Variants in SNAP23 observed in about 807,000 individuals in gnomAD.
The protein encoded by SNAP23 is synaptosomal-associated protein 23.
SNAP23 carries 11 observed loss-of-function variants against 29.0 expected under a neutral mutation model. That is an observed-to-expected ratio of 0.38 (90% CI 0.24 to 0.63). The LOEUF (loss-of-function observed/expected upper bound fraction) is 0.63, where lower values mean the gene tolerates loss of function less well. Ranked by LOEUF, SNAP23 falls within the 20% of genes least tolerant of loss-of-function variation. SNAP23 has a pLI of 0.58. For synonymous variants in SNAP23, 60 were observed against 82.9 expected (o/e 0.72, Z 1.50); for missense variants, 220 against 253.9 (o/e 0.87, Z 0.91).
chr15:42,520,518 G>A (rs894092527), intron 5 of SNAP23, among the ~76,000 whole-genome samples: 3 of 151,566 alleles, frequency 2.0e-5, no homozygotes, highest in Non-Finnish European at 4.4e-5. Flanking sequence ...TTTTTGAGAT[G>A]GTGTCTCGCT....
chr15:42,512,817 T>G, intron 2 of SNAP23, 138 bp from the exon 3 acceptor site: 1 of 639,424 alleles, frequency 1.6e-6, no homozygotes, highest in Non-Finnish European at 2.8e-6. Flanking sequence ...CCCAAAGTGC[T>G]GGGATTATAG....
intron 5 of SNAP23, 117 bp from the exon 6 acceptor site, chr15:42,528,145 G>GGTCTCCC: frequency 1.5e-6 from 1 of 662,526 alleles, no homozygotes; most frequent in Non-Finnish European, 2.5e-6. Flanking sequence ...AGACTTAGCT[G>GGTCTCCC]TATGCAGCTT....
chr15:42,513,314 T>A (rs2057372193), intron 3 of SNAP23, 85 bp from the exon 4 acceptor site: 2 of 1,238,764 alleles, frequency 1.6e-6, no homozygotes, highest in Non-Finnish European at 2.4e-6. Context: ...GGTTTCTAAA[T>A]TATTCTGTGT....
At chr15:42,501,379 G>A (rs2057268727) in intron 1 of SNAP23, among the ~76,000 whole-genome samples, 1 of 152,116 alleles carries the variant, frequency 6.6e-6, no homozygotes, top group Non-Finnish European at 1.5e-5. Context: ...CCACACAAAT[G>A]AGAATCAGGG....
chr15:42,494,834 T>C (rs541171839), upstream of SNAP23, among the ~76,000 whole-genome samples: 1 of 152,232 alleles, frequency 6.6e-6, no homozygotes, highest in South Asian at 2.1e-4. Flanking sequence ...CTTTCTTTTC[T>C]TGATTTCCAG....
Position 42,513,391 on chromosome 15 carries a change from T to C in SNAP23, c.100-8T>C. The C allele has an allele frequency of 2.5e-6, 4 of 1,613,320 alleles. 1 individual carries two copies. The highest frequency in any genetic ancestry group is 3.3e-4 in the Middle Eastern group (2 of 6,056). The stretch of plus-strand genomic sequence containing the variant: ...GTTGTACTATCAGCTTTTCCCCCCT[T>C]GTCTTAGTCTCAGGATGCAGGAATC... On this transcript the variant is annotated splice_region_variant and splice_polypyrimidine_tract_variant and intron_variant, in intron 3 of 7. Transcript: ENST00000249647.
intron 3 of SNAP23, 161 bp downstream of exon 3, chr15:42,513,157 G>C: frequency 1.3e-6 from 1 of 761,796 alleles, no homozygotes; most frequent in Middle Eastern, 2.7e-4. Flanking sequence ...GGAATTTTCT[G>C]TTTTTCCCTT....
At chr15:42,526,681 T>C (rs915403005) in intron 5 of SNAP23, among the ~76,000 whole-genome samples, 5 of 152,246 alleles carry the variant, frequency 3.3e-5, no homozygotes, top group Non-Finnish European at 5.9e-5. Context: ...ACATACTATT[T>C]CGTTTTTGTT....
chr15:42,502,393 G>A (rs1411160244), intron 1 of SNAP23, among the ~76,000 whole-genome samples: 1 of 152,180 alleles, frequency 6.6e-6, no homozygotes, highest in Non-Finnish European at 1.5e-5. Context: ...TAACCAGAAA[G>A]CATCAAAGTG....
intron 1 of SNAP23, among the ~76,000 whole-genome samples, chr15:42,506,855 G>A (rs1475911406): frequency 1.3e-5 from 2 of 150,014 alleles, no homozygotes; most frequent in African/African-American, 4.9e-5. Context: ...GTCTTGGTCT[G>A]TTGCCCAGGC....
intron 5 of SNAP23, among the ~76,000 whole-genome samples, chr15:42,527,520 G>C (rs2057515180): frequency 6.6e-6 from 1 of 152,002 alleles, no homozygotes; most frequent in African/African-American, 2.4e-5. Flanking sequence ...CGAGTAGCTG[G>C]GACCACAGGC....
At chr15:42,493,765 C>T (rs570765497), upstream of SNAP23, among the ~76,000 whole-genome samples, 102 of 152,272 alleles carry the variant, frequency 6.7e-4, 1 homozygote, top group South Asian at 2.7e-3. Context: ...CTCAGCTTTC[C>T]TTTAAACTCC....
At chr15:42,521,969 T>A (rs1420029788) in intron 5 of SNAP23, 3 of 245,324 alleles carry the variant, frequency 1.2e-5, no homozygotes, top group Non-Finnish European at 2.3e-5. Flanking sequence ...AAATTTAAAA[T>A]AGGTTGATCT....
At chr15:42,492,973 G>T (rs969280599), upstream of SNAP23, 1 of 152,188 alleles carries the variant, frequency 6.6e-6, no homozygotes, top group South Asian at 2.1e-4. Context: ...GCTAGATTAT[G>T]GTTTCTCAAC....
At chr15:42,499,667 T>C (rs1018680040) in intron 1 of SNAP23, among the ~76,000 whole-genome samples, 8 of 152,344 alleles carry the variant, frequency 5.3e-5, no homozygotes, top group Non-Finnish European at 1.0e-4. Flanking sequence ...TATAACTCTT[T>C]CATATGTAAC....
At chr15:42,529,923 T>G in intron 7 of SNAP23, 104 bp downstream of exon 7, 3 of 1,261,090 alleles carry the variant, frequency 2.4e-6, no homozygotes, top group Non-Finnish European at 3.3e-6. Flanking sequence ...AATAAGCTCC[T>G]GTCCTCATAG....
chr15:42,500,389 CTTT>C (rs769547908), intron 1 of SNAP23, among the ~76,000 whole-genome samples: 10 of 138,564 alleles, frequency 7.2e-5, no homozygotes, highest in Admixed American at 2.2e-4. Context: ...TTTCTTTTCC[CTTT>C]TTTTTTTTTT....
upstream of SNAP23, among the ~76,000 whole-genome samples, chr15:42,493,657 T>C (rs1241075924): frequency 2.0e-5 from 3 of 152,098 alleles, no homozygotes; most frequent in African/African-American, 7.2e-5. Flanking sequence ...GGTGAGTTCA[T>C]TTTTGCCCAT....
At chr15:42,506,841 CAG>C (rs962008125) in intron 1 of SNAP23, among the ~76,000 whole-genome samples, 3 of 144,408 alleles carry the variant, frequency 2.1e-5, no homozygotes, top group East Asian at 2.0e-4. Flanking sequence ...TTTTTGGAAA[CAG>C]GGTCTTGGTC....
Sources: allele counts gnomAD v4.1 joint callset (sites outside exome capture counted in the v4.1 genomes callset), GRCh38; gene constraint gnomAD v4.1.1; transcripts MANE v1.5; gene names NCBI Gene and HGNC (gene_info 2026-07-23, HGNC 2026-07-21).